POLA2: variants seen among roughly 807,000 people sequenced by gnomAD.
POLA2 encodes DNA polymerase alpha subunit B.
A neutral mutation model predicts 82.8 loss-of-function variants in POLA2; 47 were observed. That is an observed-to-expected ratio of 0.57 (90% CI 0.45 to 0.72). The LOEUF is 0.72. POLA2 is among the 30% of genes least tolerant of loss of function. POLA2 has a pLI of 0.00. For synonymous variants in POLA2, 287 were observed against 286.8 expected (o/e 1.00, Z -0.01); for missense variants, 634 against 728.1 (o/e 0.87, Z 1.49).
chr11:65,301,115 G>GGGGA (rs1313048719), downstream of POLA2, among the ~76,000 whole-genome samples: 1 of 152,152 alleles, frequency 6.6e-6, no homozygotes, highest in Non-Finnish European at 1.5e-5. Flanking sequence ...TCCTAGGAAT[G>GGGGA]GGGAGGGGCT....
rs747126983 is a variant in POLA2 at position 65,294,564 on chromosome 11, G to A, written c.1372G>A (p.Glu458Lys). The change falls in exon 15 of 18, where the codon GAG becomes AAG. Residue 458 changes from glutamate to lysine, a missense_variant. Physicochemically the swap from Glu to Lys is moderately conservative, Grantham distance 56. Coordinates refer to ENST00000265465, the MANE Select transcript of POLA2 (RefSeq NM_002689.4). ...ATTTTAGCAAGTACAGTTTGTGTCC[G>A]AGCCCTGCAGCCTCTCCATAAACGG... Reference protein sequence around the residue: ...EDKKQVQFVSEPCSLSINGVI... With the variant: ...EDKKQVQFVSKPCSLSINGVI... 84 of 1,612,952 alleles carry A rather than the reference G, an allele frequency of 5.2e-5. No homozygotes were observed. Among genetic ancestry groups the A allele is most frequent in the Non-Finnish European group, 7.0e-5 (82 of 1,179,262 alleles).
rs1318318853 is a variant in POLA2 at position 65,298,576 on chromosome 11, A to C, written c.*1307A>C. ...TGTCTATGCCTTGACTCCGAGATAA[A>C]TAGATGACCTAACAGTGGCCAACTT... On this transcript the variant is annotated 3_prime_UTR_variant, in exon 18 of 18. Coordinates refer to ENST00000265465, the MANE Select transcript of POLA2 (RefSeq NM_002689.4). 6.6e-6 allele frequency: 1 copy of C among 152,300 alleles called. No individual in the cohort carries two copies. Among genetic ancestry groups the C allele is most frequent in the Non-Finnish European group, 1.5e-5 (1 of 68,076 alleles). 9.4% of individuals were successfully genotyped at this position (152,300 alleles called of 1,614,324 possible).
intron 17 of POLA2, 68 bp downstream of exon 17, chr11:65,296,058 C>A: frequency 6.3e-7 from 1 of 1,579,330 alleles, no homozygotes. Context: ...TTCTAGACCA[C>A]CCGGCACTCA....
chr11:65,297,442 T>A lies in POLA2; in HGVS notation c.*173T>A. ...CAGGGAGGACTTGTGCAGCCGGGCC[T>A]GCCTCTGAGTGGTGCCTCTCCTGGA... On this transcript the variant is annotated 3_prime_UTR_variant, in exon 18 of 18. Coordinates refer to ENST00000265465, the MANE Select transcript of POLA2 (RefSeq NM_002689.4). The A allele has an allele frequency of 1.6e-6, 1 of 627,610 alleles. No homozygotes were observed. Among genetic ancestry groups the A allele is most frequent in the Non-Finnish European group, 2.5e-6 (1 of 400,608 alleles). 38.9% of individuals were successfully genotyped at this position (627,610 alleles called of 1,614,324 possible).
chr11:65,271,033 G>C (rs1326959860), intron 4 of POLA2, among the ~76,000 whole-genome samples: 1 of 152,106 alleles, frequency 6.6e-6, no homozygotes, highest in Non-Finnish European at 1.5e-5. Context: ...CTCCTTGTCA[G>C]GGAACAAGCC....
chr11:65,293,138 C>T (rs959551990), intron 13 of POLA2, among the ~76,000 whole-genome samples: 2 of 152,142 alleles, frequency 1.3e-5, no homozygotes, highest in African/African-American at 4.8e-5. Context: ...TGCATGACAA[C>T]CTGCTGAGAA....
chr11:65,266,356 C>G (rs1328251232), intron 1 of POLA2: 1 of 512,822 alleles, frequency 1.9e-6, no homozygotes, highest in Non-Finnish European at 3.5e-6. Flanking sequence ...TTCCATGATT[C>G]TTTAATTGGT....
At chr11:65,282,981 A>G (rs1949656979) in intron 10 of POLA2, among the ~76,000 whole-genome samples, 1 of 152,084 alleles carries the variant, frequency 6.6e-6, no homozygotes, top group African/African-American at 2.4e-5. Context: ...ATTAAAAAAA[A>G]TATTAGCTGG....
At chr11:65,304,249 A>G (rs1420715893) in intron 8 of POLA2, among the ~76,000 whole-genome samples, 2 of 151,692 alleles carry the variant, frequency 1.3e-5, no homozygotes, top group East Asian at 3.9e-4. Context: ...CCATCTATCT[A>G]TCCATCCACG....
At position 65,289,811 on chromosome 11, in the gene POLA2, A is replaced by C. The variant is rs1949735520; in HGVS notation, c.1183A>C (p.Thr395Pro). The change falls in exon 13 of 18, where the codon ACA becomes CCA. Residue 395 changes from threonine (T) to proline (P), a missense_variant. Physicochemically the swap from Thr to Pro is conservative, Grantham distance 38. Transcript: ENST00000265465. Reference protein sequence around the residue: ...KHEQVENCLLTSPFEDIFKQC... With the variant: ...KHEQVENCLLPSPFEDIFKQC... Reference sequence around the variant, plus strand: ...TCCTTTCTTGCAGAATTGTCTACTGACAAGTCCATTTGAAGACATTTTCAA... The same window carrying C: ...TCCTTTCTTGCAGAATTGTCTACTGCCAAGTCCATTTGAAGACATTTTCAA... 1 of 1,608,192 alleles carries C rather than the reference A, an allele frequency of 6.2e-7. No homozygotes were observed. The highest frequency in any genetic ancestry group is 1.1e-5 in the South Asian group (1 of 90,918).
chr11:65,290,916 C>T (rs1276075246), intron 13 of POLA2, among the ~76,000 whole-genome samples: 5 of 152,222 alleles, frequency 3.3e-5, no homozygotes, highest in Non-Finnish European at 7.3e-5. Context: ...CCAGTGGCTA[C>T]AGCTGGTGGT....
intron 10 of POLA2, among the ~76,000 whole-genome samples, chr11:65,285,235 CT>C (rs1370555325): frequency 2.0e-5 from 3 of 152,090 alleles, no homozygotes; most frequent in Non-Finnish European, 4.4e-5. Context: ...GAAACCCCAT[CT>C]CCACTAAAAA....
In POLA2 at chr11:65,297,294, G is replaced by A; in HGVS notation, c.*25G>A. On this transcript the variant is annotated 3_prime_UTR_variant, in exon 18 of 18. Transcript: ENST00000265465. ...AGGCTTCTGTCCTCTGCTGTTCTCTGCTGTGTGGGCCCTTAAAGTCTTAGC... is the reference window on the plus strand; with the variant it reads ...AGGCTTCTGTCCTCTGCTGTTCTCTACTGTGTGGGCCCTTAAAGTCTTAGC... 1 of 1,567,230 alleles carries A rather than the reference G, an allele frequency of 6.4e-7. No individual in the cohort carries two copies. The highest frequency in any genetic ancestry group is 1.2e-5 in the South Asian group (1 of 84,166).
Position 65,266,404 on chromosome 11 carries a change from C to T in POLA2, c.80-178C>T, listed in dbSNP as rs12273468. The T allele has an allele frequency of 2.8e-5, 17 of 607,424 alleles. No individual in the cohort carries two copies. The African/African-American group carries it at 3.2e-4, about 11-fold the overall frequency. The allele number at this position is 607,424 out of a possible 1,614,324, so 37.6% of individuals were successfully genotyped here. On this transcript the variant is annotated intron_variant, in intron 1 of 17. Coordinates refer to ENST00000265465, the MANE Select transcript of POLA2 (RefSeq NM_002689.4). The stretch of plus-strand genomic sequence containing the variant: ...GCCCTTATCCTCTTTTGTCTCCCCT[C>T]AGTGGTGAGCTTTGTAAGGACAAGG...
At chr11:65,267,901 C>T (rs1427984276) in intron 3 of POLA2, among the ~76,000 whole-genome samples, 5 of 151,884 alleles carry the variant, frequency 3.3e-5, no homozygotes. Flanking sequence ...AAGTGATTCT[C>T]CTGCCTCAGC....
At chr11:65,273,335 C>CA (rs1565472667) in intron 4 of POLA2, among the ~76,000 whole-genome samples, 1 of 152,016 alleles carries the variant, frequency 6.6e-6, no homozygotes, top group Non-Finnish European at 1.5e-5. Context: ...ACAACAACAA[C>CA]AAAAAAACAT....
rs533944206 is a variant in POLA2, at chr11:65,290,929, T to C, written c.1244+1057T>C. Reference sequence around the variant, plus strand: ...TGCCAGTGGCTACAGCTGGTGGTGATAGAAACTCTCAGTGAGGGTGGGGCC... The same window carrying C: ...TGCCAGTGGCTACAGCTGGTGGTGACAGAAACTCTCAGTGAGGGTGGGGCC... On this transcript the variant is annotated intron_variant, in intron 13 of 17. Transcript: ENST00000265465. 1.9e-3 allele frequency among the ~76,000 whole-genome samples: 283 copies of C among 152,330 alleles called. 1 individual carries two copies. Among genetic ancestry groups the C allele is most frequent in the African/African-American group, 6.1e-3 (253 of 41,592 alleles).
chr11:65,285,346 A>G (rs926365812), intron 10 of POLA2, among the ~76,000 whole-genome samples: 15 of 152,010 alleles, frequency 9.9e-5, no homozygotes, highest in Non-Finnish European at 1.9e-4. Flanking sequence ...TAGAAGTTGC[A>G]GTGAGCCGAG....
intron 1 of POLA2, among the ~76,000 whole-genome samples, chr11:65,264,922 C>G (rs1949441761): frequency 6.6e-6 from 1 of 152,194 alleles, no homozygotes; most frequent in Non-Finnish European, 1.5e-5. Flanking sequence ...TCTCTCCTTC[C>G]CAATTACAGC....
Sources: gnomAD v4.1 joint callset for allele counts (sites outside exome capture counted in the v4.1 genomes callset) on GRCh38, gnomAD v4.1.1 for gene constraint, MANE v1.5 for transcripts, NCBI Gene and HGNC (gene_info 2026-07-23, HGNC 2026-07-21) for gene names.